Variants in TUBA1C observed in about 807,000 individuals in gnomAD.
TUBA1C encodes the protein tubulin alpha-1C chain.
Under a neutral mutation model 34.9 loss-of-function variants are expected in TUBA1C, and 16 were observed. The observed-to-expected ratio is 0.46, with a 90% CI of 0.31 to 0.70. The LOEUF is 0.70. Among genes scored for constraint, TUBA1C ranks in the 30% least tolerant of loss-of-function variants. The pLI is 0.05. For synonymous variants in TUBA1C, 177 were observed against 215.9 expected, an observed-to-expected ratio of 0.82 and a Z score of 1.58; for missense variants, 329 against 587.3, an observed-to-expected ratio of 0.56 and a Z score of 4.55.
chr12:49,268,678 T>C (rs1257116460), intron 1 of TUBA1C, among the ~76,000 whole-genome samples: 3 of 152,236 alleles, frequency 2.0e-5, no homozygotes, highest in African/African-American at 7.2e-5. Flanking sequence ...GTTAAAAAGC[T>C]GCCTCTGACC....
intron 1 of TUBA1C, among the ~76,000 whole-genome samples, chr12:49,248,599 C>A (rs1181113162): frequency 6.6e-6 from 1 of 151,078 alleles, no homozygotes; most frequent in Non-Finnish European, 1.5e-5. Flanking sequence ...CACGGTGGCC[C>A]ACGTCTGTAA....
chr12:49,266,588 G>T (rs2335453), intron 1 of TUBA1C, among the ~76,000 whole-genome samples: 23,095 of 151,942 alleles, frequency 0.15, 2,132 homozygotes, highest in African/African-American at 0.26. Flanking sequence ...ATGGCTTATG[G>T]TTGTAATCCC....
rs1304238302 is a variant in TUBA1C at position 49,250,202 on chromosome 12, A to T, written c.214-19263A>T. Among the ~76,000 whole-genome samples the T allele has an allele frequency of 2.0e-5, 3 of 151,678 alleles. No homozygotes were observed. The East Asian group carries it at 5.8e-4, about 29-fold the overall frequency. On this transcript the variant is annotated intron_variant, in intron 1 of 3. Transcript: ENST00000541364. The stretch of plus-strand genomic sequence containing the variant: ...CGACAGAGTGAGACTCCATCTCAAA[A>T]AATAATAATAATAAATTTGTTTTAA...
intron 1 of TUBA1C, among the ~76,000 whole-genome samples, chr12:49,265,965 A>C (rs986008309): frequency 7.1e-5 from 10 of 140,110 alleles, no homozygotes; most frequent in Non-Finnish European, 1.2e-4. Context: ...TTTAAAAAAA[A>C]AAAAAAACAA....
intron 1 of TUBA1C, among the ~76,000 whole-genome samples, chr12:49,241,284 G>A (rs1242823628): frequency 6.6e-6 from 1 of 152,082 alleles, no homozygotes; most frequent in Non-Finnish European, 1.5e-5. Context: ...TGAGAATGGG[G>A]CCAAGATTAT....
chr12:49,235,767 A>T (rs1250379357), intron 1 of TUBA1C, among the ~76,000 whole-genome samples: 1 of 151,678 alleles, frequency 6.6e-6, no homozygotes, highest in Non-Finnish European at 1.5e-5. Context: ...CATAGTTTTT[A>T]AAAAATAAAA....
upstream of TUBA1C, chr12:49,265,045 C>G (rs1942885456): frequency 8.2e-7 from 1 of 1,225,402 alleles, no homozygotes; most frequent in South Asian, 3.2e-5. Context: ...GGCCGGGGAC[C>G]GGGTATATAA....
intron 1 of TUBA1C, among the ~76,000 whole-genome samples, chr12:49,235,126 A>AAAAG (rs971309413): frequency 1.3e-5 from 2 of 152,034 alleles, no homozygotes; most frequent in African/African-American, 4.8e-5. Flanking sequence ...AAAAAAAAAA[A>AAAAG]AAAAATTAAT....
intron 1 of TUBA1C, among the ~76,000 whole-genome samples, chr12:49,246,027 C>G (rs1250865487): frequency 6.6e-6 from 1 of 152,180 alleles, no homozygotes; most frequent in African/African-American, 2.4e-5. Flanking sequence ...GCCTCAGCCT[C>G]CCAAGTAGCT....
chr12:49,268,662 C>T (rs968126376), intron 1 of TUBA1C, among the ~76,000 whole-genome samples: 2 of 152,136 alleles, frequency 1.3e-5, no homozygotes, highest in Admixed American at 1.3e-4. Context: ...TAGATTCTTC[C>T]ACTTGGTTAA....
At chr12:49,266,279 AAT>A (rs919378642) in intron 1 of TUBA1C, among the ~76,000 whole-genome samples, 14 of 146,920 alleles carry the variant, frequency 9.5e-5, no homozygotes, top group African/African-American at 3.6e-4. Flanking sequence ...AAAAAAAAAA[AAT>A]TAGCTGGGCG....
rs1592289593 is a variant in TUBA1C at position 49,272,650 on chromosome 12, A to G, written c.773A>G (p.Asn258Ser). ...GTTGACCTGACAGAATTCCAGACCA[A>G]CCTGGTGCCCTACCCCCGCATCCAC... is the stretch of plus-strand genomic sequence containing the variant. The part of the protein sequence containing the change: ...LNVDLTEFQT[N>S]LVPYPRIHFP... Residue 258 changes from asparagine (N) to serine (S), a missense_variant, in exon 4 of 4, where the codon AAC becomes AGC. Asn to Ser is a conservative substitution (Grantham distance 46). Transcript: ENST00000301072. 6.2e-7 allele frequency: 1 copy of G among 1,609,782 alleles called. No individual in the cohort carries two copies. The highest frequency in any genetic ancestry group is 8.5e-7 in the Non-Finnish European group (1 of 1,178,802).
chr12:49,240,296 GAAAAAAAA>G (rs201018194), intron 1 of TUBA1C, among the ~76,000 whole-genome samples: 7 of 81,980 alleles, frequency 8.5e-5, no homozygotes, highest in African/African-American at 3.0e-4. Context: ...ACCATTCTCT[GAAAAAAAA>G]AAAAAAAAAA....
chr12:49,255,408 ATATATATATAT>A (rs1942773627), intron 1 of TUBA1C, among the ~76,000 whole-genome samples: 1 of 143,842 alleles, frequency 7.0e-6, no homozygotes, highest in African/African-American at 2.5e-5. Flanking sequence ...TTTAAAAAAT[ATATATATATAT>A]ATATATATAT....
At chr12:49,238,505 T>C (rs1168226201) in intron 1 of TUBA1C, among the ~76,000 whole-genome samples, 2 of 152,186 alleles carry the variant, frequency 1.3e-5, no homozygotes, top group African/African-American at 4.8e-5. Flanking sequence ...CTTAGGATGC[T>C]GATTGCGAGC....
chr12:49,255,950 G>A (rs1355821001), intron 1 of TUBA1C, among the ~76,000 whole-genome samples: 2 of 152,184 alleles, frequency 1.3e-5, no homozygotes, highest in Non-Finnish European at 2.9e-5. Flanking sequence ...ATTTGGGGAG[G>A]CTGAGGCCAG....
At chr12:49,244,327 C>T (rs1942647507) in intron 1 of TUBA1C, among the ~76,000 whole-genome samples, 1 of 152,012 alleles carries the variant, frequency 6.6e-6, no homozygotes, top group Non-Finnish European at 1.5e-5. Context: ...CATCTTTTAC[C>T]ACAAAATGGA....
chr12:49,251,052 C>T (rs1367678692), intron 1 of TUBA1C, among the ~76,000 whole-genome samples: 1 of 151,738 alleles, frequency 6.6e-6, no homozygotes, highest in Non-Finnish European at 1.5e-5. Flanking sequence ...CCAAAATGTA[C>T]AAAAATTACC....
At chr12:49,261,314 A>T (rs1030829451), upstream of TUBA1C, among the ~76,000 whole-genome samples, 6 of 151,988 alleles carry the variant, frequency 3.9e-5, no homozygotes, top group African/African-American at 9.7e-5. Context: ...AGTAGGGTAA[A>T]TTTTTTTTCT....
Sources: allele counts gnomAD v4.1 joint callset (sites outside exome capture counted in the v4.1 genomes callset), GRCh38; gene constraint gnomAD v4.1.1; transcripts MANE v1.5; gene names NCBI Gene and HGNC (gene_info 2026-07-23, HGNC 2026-07-21).